The following COL4A6 variants were observed in gnomAD, a reference collection of about 807,000 sequenced individuals.
COL4A6 encodes collagen type IV alpha 6 chain, also known as collagen alpha-6(IV) chain.
Under a neutral mutation model 126.7 loss-of-function variants are expected in COL4A6, and 59 were observed. The observed-to-expected ratio is 0.47, with a 90% CI of 0.38 to 0.58. The LOEUF (loss-of-function observed/expected upper bound fraction) is 0.58. Among genes scored for constraint, COL4A6 ranks in the 20% least tolerant of loss-of-function variants. The probability of loss-of-function intolerance (pLI) is 0.00; values close to 1 mark genes in which losing one functional copy is unlikely to be tolerated. For synonymous variants in COL4A6, 547 were observed against 496.6 expected (o/e 1.10, Z -1.35); for missense variants, 1,285 against 1,337.3 (o/e 0.96, Z 0.61).
chrX:108,227,557 G>T (rs776692618), intron 3 of COL4A6, among the ~76,000 whole-genome samples: 2 of 110,275 alleles, frequency 1.8e-5, no homozygotes, highest in Admixed American at 9.7e-5. Context: ...GGGGCAGGGT[G>T]GGGGGGCTTT....
rs1456991331 is a variant in COL4A6, at chrX:108,155,918, G to A, written c.*1082C>T. Reference sequence around the variant, plus strand: ...TCTGCTAACTGCTCAAGAGAAGAGTGTGCTAGATTTTTATGAGGTTTAAAA... The same window carrying A: ...TCTGCTAACTGCTCAAGAGAAGAGTATGCTAGATTTTTATGAGGTTTAAAA... On this transcript the variant is annotated 3_prime_UTR_variant, in exon 45 of 45. Coordinates refer to ENST00000334504, the MANE Select transcript of COL4A6 (RefSeq NM_033641.4). 2 of 111,932 alleles carry A rather than the reference G, an allele frequency of 1.8e-5. No individual in the cohort carries two copies. Among genetic ancestry groups the A allele is most frequent in the African/African-American group, 6.5e-5 (2 of 30,734 alleles). 9.2% of individuals were successfully genotyped at this position (111,932 alleles called of 1,213,427 possible). A position where few individuals can be genotyped will look rare whatever the true frequency, so the allele number is the denominator to read the frequency against.
At chrX:108,309,367 C>T (rs1489138163) in intron 3 of COL4A6, among the ~76,000 whole-genome samples, 1 of 111,009 alleles carries the variant, frequency 9.0e-6, no homozygotes, top group East Asian at 2.8e-4. Context: ...TGGAATCTGT[C>T]ATCACTTTGC....
Position 108,192,584 on chromosome X carries a change from G to A in COL4A6, c.1073-4C>T. 1 of 1,140,125 alleles carries A rather than the reference G, an allele frequency of 8.8e-7. No individual in the cohort carries two copies. The highest frequency in any genetic ancestry group is 1.2e-6 in the Non-Finnish European group (1 of 837,284). The allele number at this position is 1,140,125 out of a possible 1,213,427, so 94.0% of individuals were successfully genotyped here. A position where few individuals can be genotyped will look rare whatever the true frequency, so the allele number is the denominator to read the frequency against. ...ACACCAGGATCTCCAGGATTACCTG[G>A]CATTGTAATGAAAGAAAATAGTAAA... On this transcript the variant is annotated splice_region_variant and splice_polypyrimidine_tract_variant and intron_variant, in intron 17 of 44. Transcript: ENST00000334504.
intron 2 of COL4A6, among the ~76,000 whole-genome samples, chrX:108,400,582 A>G (rs2041065704): frequency 2.7e-5 from 3 of 111,389 alleles, no homozygotes; most frequent in Non-Finnish European, 3.8e-5. Flanking sequence ...GCAATTTACA[A>G]TCTGGTTTCA....
At chrX:108,228,715 C>T (rs559473250) in intron 3 of COL4A6, among the ~76,000 whole-genome samples, 1 of 111,799 alleles carries the variant, frequency 8.9e-6, no homozygotes, top group South Asian at 3.8e-4. Flanking sequence ...CTCATGAGAA[C>T]TCACTCACTA....
At chrX:108,177,136 C>A in intron 27 of COL4A6, 125 bp from the exon 28 acceptor site, 2 of 583,787 alleles carry the variant, frequency 3.4e-6, no homozygotes, top group Non-Finnish European at 5.4e-6. Flanking sequence ...GGCCCTTTAA[C>A]AATAGCACAT....
intron 3 of COL4A6, among the ~76,000 whole-genome samples, chrX:108,288,322 G>A (rs2038061232): frequency 8.9e-6 from 1 of 112,088 alleles, no homozygotes; most frequent in Non-Finnish European, 1.9e-5. Context: ...GAGAAACATA[G>A]TACTTAAGCA....
At chrX:108,354,869 T>C (rs2039925551) in intron 2 of COL4A6, among the ~76,000 whole-genome samples, 1 of 110,901 alleles carries the variant, frequency 9.0e-6, no homozygotes, top group Non-Finnish European at 1.9e-5. Context: ...AATCTCTTAT[T>C]AGGTGATTGG....
intron 2 of COL4A6, among the ~76,000 whole-genome samples, chrX:108,324,933 T>A (rs896992822): frequency 5.3e-5 from 6 of 112,304 alleles, no homozygotes; most frequent in Admixed American, 9.4e-5. Flanking sequence ...AACATATTAC[T>A]TTTACCTATT....
intron 40 of COL4A6, 60 bp downstream of exon 40, chrX:108,164,540 C>A (rs1373530902): frequency 9.3e-7 from 1 of 1,074,643 alleles, no homozygotes; most frequent in Non-Finnish European, 1.3e-6. Context: ...CCTGAAGGAA[C>A]CTTACCACCA....
chrX:108,432,726 C>G (rs1229451628), intron 2 of COL4A6, among the ~76,000 whole-genome samples: 1 of 111,175 alleles, frequency 9.0e-6, no homozygotes, highest in Non-Finnish European at 1.9e-5. Flanking sequence ...GTCCCAGCTA[C>G]TCGGGAGGCT....
At chrX:108,384,328 C>A (rs2040636213) in intron 2 of COL4A6, among the ~76,000 whole-genome samples, 1 of 112,086 alleles carries the variant, frequency 8.9e-6, no homozygotes, top group East Asian at 2.8e-4. Context: ...ATCTGATTTA[C>A]TGTGAAAAAC....
At chrX:108,354,136 G>T (rs1250525837) in intron 2 of COL4A6, among the ~76,000 whole-genome samples, 5 of 111,348 alleles carry the variant, frequency 4.5e-5, no homozygotes, top group African/African-American at 1.3e-4. Flanking sequence ...ACTCCAGCCT[G>T]GGTGACAGAG....
chrX:108,213,963 G>C (rs1406094428), intron 6 of COL4A6, 149 bp downstream of exon 6: 2 of 493,705 alleles, frequency 4.1e-6, no homozygotes, highest in African/African-American at 4.8e-5. Flanking sequence ...TTTTACTGTT[G>C]TGGTGCTGCC....
intron 31 of COL4A6, among the ~76,000 whole-genome samples, chrX:108,173,596 T>C (rs1457809883): frequency 4.5e-5 from 5 of 111,635 alleles, no homozygotes; most frequent in Non-Finnish European, 9.4e-5. Flanking sequence ...ATTCAATTCA[T>C]TGAGACCATT....
At chrX:108,266,538 T>C (rs1448869032) in intron 3 of COL4A6, among the ~76,000 whole-genome samples, 2 of 111,713 alleles carry the variant, frequency 1.8e-5, no homozygotes, top group South Asian at 7.6e-4. Context: ...AACGTGTACT[T>C]GGGCAAAACC....
intron 2 of COL4A6, among the ~76,000 whole-genome samples, chrX:108,328,731 G>A (rs1311451853): frequency 3.6e-5 from 4 of 112,055 alleles, no homozygotes; most frequent in Non-Finnish European, 7.5e-5. Context: ...ATATCCAAAG[G>A]AAATGAAATG....
At chrX:108,369,241 T>C (rs928341773) in intron 2 of COL4A6, among the ~76,000 whole-genome samples, 1 of 111,791 alleles carries the variant, frequency 8.9e-6, no homozygotes, top group Non-Finnish European at 1.9e-5. Flanking sequence ...TATAATCTTA[T>C]AGGACTACCA....
At chrX:108,334,429 A>C (rs2039383330) in intron 2 of COL4A6, among the ~76,000 whole-genome samples, 1 of 112,047 alleles carries the variant, frequency 8.9e-6, no homozygotes, top group South Asian at 3.7e-4. Context: ...ACAGTTTTTC[A>C]ATAAGGTCGG....
Sources: allele counts gnomAD v4.1 joint callset (sites outside exome capture counted in the v4.1 genomes callset), GRCh38; gene constraint gnomAD v4.1.1; transcripts MANE v1.5; gene names NCBI Gene and HGNC (gene_info 2026-07-23, HGNC 2026-07-21).